Variants in ERCC4 observed in about 807,000 individuals in gnomAD.
ERCC4 encodes the protein DNA repair endonuclease XPF.
In ERCC4, 65 loss-of-function variants were observed where a neutral mutation model predicts 76.9. That is an observed-to-expected ratio of 0.84 (90% CI 0.69 to 1.04). The LOEUF (loss-of-function observed/expected upper bound fraction) is 1.04. Among genes scored for constraint, ERCC4 ranks in the 50% least tolerant of loss-of-function variants. ERCC4 has a pLI of 0.00. For missense variants in ERCC4, 1,214 were observed against 1,128.2 expected (o/e 1.08, Z -1.09); for synonymous variants, 463 against 410.1 (o/e 1.13, Z -1.56).
At chr16:13,931,159 C>T (rs2032165083) in intron 5 of ERCC4, 2 of 414,820 alleles carry the variant, frequency 4.8e-6, no homozygotes, top group African/African-American at 4.0e-5. Flanking sequence ...TACAGGCAGT[C>T]CTCAACTTAG....
chr16:13,944,039 A>G (rs1451767465), intron 9 of ERCC4: 1 of 152,738 alleles, frequency 6.5e-6, no homozygotes, highest in Non-Finnish European at 1.5e-5. Context: ...ATTATATCCA[A>G]AGTACCTAGA....
In ERCC4 at chr16:13,949,367, A is replaced by C. The variant is rs2032587831; in HGVS notation, c.*1020A>C. 4.3e-6 allele frequency: 1 copy of C among 233,520 alleles called. No individual in the cohort carries two copies. 14.5% of individuals were successfully genotyped at this position (233,520 alleles called of 1,614,324 possible). A position where few individuals can be genotyped will look rare whatever the true frequency, so the allele number is the denominator to read the frequency against. On this transcript the variant is annotated 3_prime_UTR_variant, in exon 11 of 11. Coordinates refer to ENST00000311895, the MANE Select transcript of ERCC4 (RefSeq NM_005236.3). Reference sequence around the variant, plus strand: ...CAGTGAGCCGAGATCGCACCACTGCACCCCTGCCTGGGCGACAGAGTGAGA... The same window carrying C: ...CAGTGAGCCGAGATCGCACCACTGCCCCCCTGCCTGGGCGACAGAGTGAGA...
intron 8 of ERCC4, among the ~76,000 whole-genome samples, chr16:13,936,602 A>G (rs2032299333): frequency 6.6e-6 from 1 of 152,270 alleles, no homozygotes; most frequent in Non-Finnish European, 1.5e-5. Context: ...TGTTAGAATC[A>G]GAAGGGACCT....
At chr16:13,934,677 T>A (rs1596626068) in intron 7 of ERCC4, 2 of 252,962 alleles carry the variant, frequency 7.9e-6, no homozygotes. Flanking sequence ...GGGTCTCCTG[T>A]TTTATATCCT....
At chr16:13,937,696 T>G in intron 8 of ERCC4, 70 bp from the exon 9 acceptor site, 4 of 931,286 alleles carry the variant, frequency 4.3e-6, no homozygotes, top group Non-Finnish European at 7.2e-6. Context: ...TGATTTCACA[T>G]GTTCTGCTGT....
At chr16:13,945,432 C>T (rs1157383523) in intron 10 of ERCC4, among the ~76,000 whole-genome samples, 1 of 152,160 alleles carries the variant, frequency 6.6e-6, no homozygotes, top group Non-Finnish European at 1.5e-5. Flanking sequence ...CACCATTTTC[C>T]CATTCCCCAA....
chr16:13,946,460 TAGAA>T (rs1337855023), intron 10 of ERCC4, among the ~76,000 whole-genome samples: 1 of 152,164 alleles, frequency 6.6e-6, no homozygotes, highest in Non-Finnish European at 1.5e-5. Context: ...CATCTAAACA[TAGAA>T]AGGTACAAAA....
intron 2 of ERCC4, chr16:13,922,557 A>C: frequency 1.4e-6 from 1 of 712,020 alleles, no homozygotes; most frequent in Non-Finnish European, 2.6e-6. Flanking sequence ...CTGTGTTTTG[A>C]ATGACGAATT....
At chr16:13,930,578 T>A (rs970607890) in intron 4 of ERCC4, 132 bp from the exon 5 acceptor site, 126 of 679,920 alleles carry the variant, frequency 1.9e-4, no homozygotes, top group Non-Finnish European at 3.0e-4. Flanking sequence ...TAGTAAAATA[T>A]ATATGACATA....
intron 10 of ERCC4, among the ~76,000 whole-genome samples, chr16:13,946,316 C>T (rs1234247193): frequency 6.6e-6 from 1 of 152,238 alleles, no homozygotes; most frequent in Admixed American, 6.5e-5. Flanking sequence ...CAAAGCTAGA[C>T]GGTCTAGCCT....
chr16:13,926,649 T>C lies in ERCC4; in HGVS notation c.477T>C (p.Gly159=). The C allele has an allele frequency of 6.2e-7, 1 of 1,614,106 alleles. No individual in the cohort carries two copies. The highest frequency in any genetic ancestry group is 8.5e-7 in the Non-Finnish European group (1 of 1,179,966). The change falls in exon 3 of 11, where the codon GGT becomes GGC. Residue 159 remains glycine (G), a synonymous_variant. Transcript: ENST00000311895. Reference sequence around the variant, plus strand: ...TCTTTCGCCAGAAAAACAAACGTGGTTTTATTAAAGCTTTCACAGACAATG... The same window carrying C: ...TCTTTCGCCAGAAAAACAAACGTGGCTTTATTAAAGCTTTCACAGACAATG... ...LRLFRQKNKR[G]FIKAFTDNAV... is the part of the protein sequence containing the mutation.
chr16:13,948,169 T>C lies in ERCC4; in HGVS notation c.2573T>C (p.Val858Ala), dbSNP rs1437211342. The C allele has an allele frequency of 6.2e-6, 10 of 1,613,708 alleles. No individual in the cohort carries two copies. Among genetic ancestry groups the C allele is most frequent in the Non-Finnish European group, 8.5e-6 (10 of 1,180,002 alleles). ...PQDFLLKMPG[V>A]NAKNCRSLMH... ...GACTTCTTGTTAAAAATGCCAGGGG[T>C]GAATGCCAAAAACTGCCGCTCCTTG... Residue 858 changes from valine to alanine, a missense_variant, in exon 11 of 11, where the codon GTG becomes GCG. Physicochemically the swap from Val to Ala is moderately conservative, Grantham distance 64 (BLOSUM62 0). Transcript: ENST00000311895.
intron 2 of ERCC4, among the ~76,000 whole-genome samples, chr16:13,925,401 A>G (rs1320530090): frequency 1.3e-5 from 2 of 152,218 alleles, no homozygotes; most frequent in African/African-American, 4.8e-5. Context: ...ATATTTTCTG[A>G]GTAGTAAATT....
chr16:13,948,426 A>G lies in ERCC4; in HGVS notation c.*79A>G. The G allele has an allele frequency of 4.0e-6, 6 of 1,488,734 alleles. No individual in the cohort carries two copies. The highest frequency in any genetic ancestry group is 1.1e-5 in the South Asian group (1 of 87,906). The allele number at this position is 1,488,734 out of a possible 1,614,324, so 92.2% of individuals were successfully genotyped here. ...CAGACATCATAGGTCATTATTAATTATTGGTTTGCTATTTCATTCTTTTCC... is the reference window on the plus strand; with the variant it reads ...CAGACATCATAGGTCATTATTAATTGTTGGTTTGCTATTTCATTCTTTTCC... On this transcript the variant is annotated 3_prime_UTR_variant, in exon 11 of 11. Coordinates refer to ENST00000311895, the MANE Select transcript of ERCC4 (RefSeq NM_005236.3).
Position 13,940,632 on chromosome 16 carries a change from G to C in ERCC4, c.1904+2774G>C, listed in dbSNP as rs533557224. ...TCACATAGACACAGAGTACCTCCAT[G>C]GCTGGCTACAGCTCCTCAGACTCCA... On this transcript the variant is annotated intron_variant, in intron 9 of 10. Coordinates refer to ENST00000311895, the MANE Select transcript of ERCC4 (RefSeq NM_005236.3). 5.3e-5 allele frequency among the ~76,000 whole-genome samples: 8 copies of C among 152,284 alleles called. No individual in the cohort carries two copies. In the South Asian group the frequency reaches 1.5e-3, roughly 28 times the overall value.
chr16:13,931,280 G>A (rs2032166736), intron 5 of ERCC4: 1 of 225,002 alleles, frequency 4.4e-6, no homozygotes, highest in Non-Finnish European at 8.9e-6. Flanking sequence ...AAAGACTGAA[G>A]AGCAGAAGAG....
chr16:13,938,847 G>A (rs2032357516), intron 9 of ERCC4, among the ~76,000 whole-genome samples: 1 of 152,208 alleles, frequency 6.6e-6, no homozygotes, highest in African/African-American at 2.4e-5. Context: ...ATATAACCTG[G>A]ATAGCCCAGG....
At chr16:13,931,899 T>C (rs1823594229) in intron 5 of ERCC4, 1 of 439,834 alleles carries the variant, frequency 2.3e-6, no homozygotes, top group Non-Finnish European at 4.0e-6. Flanking sequence ...AGTCAAATAA[T>C]GTCATGGTAT....
chr16:13,935,030 G>T, intron 7 of ERCC4, 116 bp from the exon 8 acceptor site: 6 of 819,096 alleles, frequency 7.3e-6, no homozygotes, highest in South Asian at 6.8e-5. Flanking sequence ...GTAAATTGTG[G>T]ATCTTTAATA....
Sources: allele counts gnomAD v4.1 joint callset (sites outside exome capture counted in the v4.1 genomes callset), GRCh38; gene constraint gnomAD v4.1.1; transcripts MANE v1.5; gene names NCBI Gene and HGNC (gene_info 2026-07-23, HGNC 2026-07-21).